ADAMTSL1: variants seen among roughly 807,000 people sequenced by gnomAD.
ADAMTSL1 encodes ADAMTS like 1.
Under a neutral mutation model 201.8 loss-of-function variants are expected in ADAMTSL1, and 126 were observed. The observed-to-expected ratio is 0.62, with a 90% CI of 0.54 to 0.72. The LOEUF (loss-of-function observed/expected upper bound fraction) is 0.72, where lower values mean the gene tolerates loss of function less well. ADAMTSL1 is among the 30% of genes least tolerant of loss of function. The pLI, the probability that ADAMTSL1 is intolerant of heterozygous loss-of-function variation, is 0.00. For missense variants in ADAMTSL1, 2,679 were observed against 2,277.8 expected (o/e 1.18, Z -3.59); for synonymous variants, 1,121 against 903.4 (o/e 1.24, Z -4.32).
intron 23 of ADAMTSL1, among the ~76,000 whole-genome samples, chr9:18,869,307 G>A (rs1827740033): frequency 6.6e-6 from 1 of 152,154 alleles, no homozygotes. Flanking sequence ...CCCAGTTTGT[G>A]GTACTTTATT....
rs1824784802 is a variant in ADAMTSL1, at chr9:18,828,736, C to T, written c.4115-1107C>T. On this transcript the variant is annotated intron_variant, in intron 22 of 28. Coordinates refer to ENST00000380548, the MANE Select transcript of ADAMTSL1 (RefSeq NM_001040272.6). ...ATATATATATATGTACACACACACA[C>T]ATATGTAATCTCTAGTTCATCATTG... is the stretch of plus-strand genomic sequence containing the variant. 3.8e-5 allele frequency among the ~76,000 whole-genome samples: 5 copies of T among 132,952 alleles called. No individual in the cohort carries two copies. The South Asian group carries it at 7.3e-4, about 20-fold the overall frequency. The allele number at this position is 132,952 out of a possible 152,430, so 87.2% of individuals were successfully genotyped here.
chr9:18,281,086 C>A (rs12000293), intron 2 of ADAMTSL1, among the ~76,000 whole-genome samples: 1 of 151,836 alleles, frequency 6.6e-6, no homozygotes, highest in South Asian at 2.1e-4. Context: ...GTGTGGGAGA[C>A]GCATGAAGGG....
chr9:18,289,172 T>TCTATCTATCTATCTATCTATCTAC (rs1554650791), intron 2 of ADAMTSL1, among the ~76,000 whole-genome samples: 33 of 138,194 alleles, frequency 2.4e-4, no homozygotes, highest in Non-Finnish European at 2.3e-4. Flanking sequence ...TATCTATCTA[T>TCTATCTATCTATCTATCTATCTAC]CTACCTACCT....
chr9:18,326,999 A>G (rs1563889195), intron 2 of ADAMTSL1, among the ~76,000 whole-genome samples: 1 of 152,264 alleles, frequency 6.6e-6, no homozygotes, highest in Non-Finnish European at 1.5e-5. Flanking sequence ...AAAAGCCAAT[A>G]GAATTTTATA....
intron 21 of ADAMTSL1, among the ~76,000 whole-genome samples, chr9:18,824,974 G>T (rs1275044405): frequency 1.3e-5 from 2 of 152,104 alleles, no homozygotes; most frequent in Non-Finnish European, 2.9e-5. Flanking sequence ...GGGATTACAG[G>T]CATGAGCCAT....
At chr9:18,826,492 C>T in intron 22 of ADAMTSL1, 29 bp downstream of exon 22, 1 of 1,595,062 alleles carries the variant, frequency 6.3e-7, no homozygotes, top group Non-Finnish European at 8.5e-7. Context: ...GCTGCCTCTG[C>T]TGCACCCTGT....
At chr9:18,791,957 T>A (rs1822090549) in intron 19 of ADAMTSL1, among the ~76,000 whole-genome samples, 1 of 152,180 alleles carries the variant, frequency 6.6e-6, no homozygotes, top group Non-Finnish European at 1.5e-5. Flanking sequence ...GGTGGCTTAC[T>A]TAGTGCCTGG....
At chr9:18,370,211 C>T (rs1200619128) in intron 2 of ADAMTSL1, among the ~76,000 whole-genome samples, 1 of 150,936 alleles carries the variant, frequency 6.6e-6, no homozygotes, top group African/African-American at 2.4e-5. Context: ...ACCCAGGAGG[C>T]GGAGGTTGCA....
chr9:18,296,763 A>G (rs1587494519), intron 2 of ADAMTSL1, among the ~76,000 whole-genome samples: 1 of 152,172 alleles, frequency 6.6e-6, no homozygotes. Flanking sequence ...TGAGCATTTT[A>G]CTGTAGATCA....
chr9:18,712,114 G>C (rs1489916276), intron 14 of ADAMTSL1, among the ~76,000 whole-genome samples: 5 of 151,552 alleles, frequency 3.3e-5, no homozygotes, highest in African/African-American at 4.8e-5. Flanking sequence ...CATCATCAAA[G>C]ACCAAAAGTA....
chr9:18,779,628 C>G (rs527369741), intron 19 of ADAMTSL1, among the ~76,000 whole-genome samples: 1 of 152,344 alleles, frequency 6.6e-6, no homozygotes, highest in African/African-American at 2.4e-5. Flanking sequence ...GCCCCCACAA[C>G]TCATACTTTC....
intron 1 of ADAMTSL1, among the ~76,000 whole-genome samples, chr9:18,145,108 C>T (rs1331316749): frequency 1.3e-5 from 2 of 152,248 alleles, no homozygotes; most frequent in East Asian, 3.9e-4. Context: ...CCTGATCATT[C>T]TGACAGCTAA....
chr9:17,954,393 A>G (rs577912845), intron 1 of ADAMTSL1, among the ~76,000 whole-genome samples: 1 of 152,236 alleles, frequency 6.6e-6, no homozygotes, highest in African/African-American at 2.4e-5. Context: ...AAGAATTTTC[A>G]GCCATCGTTA....
At chr9:18,421,580 C>T (rs34138828) in intron 2 of ADAMTSL1, among the ~76,000 whole-genome samples, 2 of 152,216 alleles carry the variant, frequency 1.3e-5, no homozygotes, top group Admixed American at 6.5e-5. Flanking sequence ...GCAACATCCT[C>T]CCTCTCAAAC....
chr9:18,180,524 C>T (rs1258428215), intron 2 of ADAMTSL1, among the ~76,000 whole-genome samples: 2 of 115,602 alleles, frequency 1.7e-5, no homozygotes, highest in East Asian at 5.3e-4. Context: ...CAGAGCGAGA[C>T]TCCGTGTCAA....
chr9:18,630,332 T>C (rs1826674671), intron 5 of ADAMTSL1, among the ~76,000 whole-genome samples: 2 of 152,252 alleles, frequency 1.3e-5, no homozygotes, highest in Non-Finnish European at 2.9e-5. Context: ...CTCTTCTCTA[T>C]AATTCTTTTG....
At chr9:18,104,109 G>C (rs527639775) in intron 1 of ADAMTSL1, among the ~76,000 whole-genome samples, 1 of 152,216 alleles carries the variant, frequency 6.6e-6, no homozygotes, top group African/African-American at 2.4e-5. Context: ...GGAACTACTT[G>C]TTCAATCTCT....
chr9:18,239,136 C>A (rs775536689), intron 2 of ADAMTSL1, among the ~76,000 whole-genome samples: 31 of 152,134 alleles, frequency 2.0e-4, no homozygotes, highest in Non-Finnish European at 3.8e-4. Flanking sequence ...AGTGGAGGGT[C>A]TTGCCTTGAT....
intron 4 of ADAMTSL1, among the ~76,000 whole-genome samples, chr9:18,616,056 C>G (rs1287687002): frequency 6.6e-6 from 1 of 151,928 alleles, no homozygotes; most frequent in Non-Finnish European, 1.5e-5. Flanking sequence ...GACAAAGTCT[C>G]GTTCTGTTGC....
Sources: allele counts gnomAD v4.1 joint callset (sites outside exome capture counted in the v4.1 genomes callset), GRCh38; gene constraint gnomAD v4.1.1; transcripts MANE v1.5; gene names NCBI Gene and HGNC (gene_info 2026-07-23, HGNC 2026-07-21).